COL23A1: variants seen among roughly 807,000 people sequenced by gnomAD.
COL23A1 encodes the protein collagen type XXIII alpha 1 chain.
Under a neutral mutation model 99.3 loss-of-function variants are expected in COL23A1, and 97 were observed. That is an observed-to-expected ratio of 0.98 (90% CI 0.83 to 1.16). The LOEUF is 1.16. COL23A1 is among the 50% of genes most tolerant of loss of function. The probability of loss-of-function intolerance (pLI) is 0.00; values close to 1 mark genes in which losing one functional copy is unlikely to be tolerated. For missense variants in COL23A1, 762 were observed against 757.4 expected (o/e 1.01, Z -0.07); for synonymous variants, 320 against 308.2 (o/e 1.04, Z -0.40).
In COL23A1 at chr5:178,532,794, G is replaced by A. The variant is rs534158856; in HGVS notation, c.361+27888C>T. Among the ~76,000 whole-genome samples the A allele has an allele frequency of 4.6e-5, 7 of 152,314 alleles. No individual in the cohort carries two copies. The South Asian group carries it at 1.5e-3, about 32-fold the overall frequency. ...GGTGATGGGATTTGGGTCATTACAA[G>A]AAGAGGTAGGAAAGACAAGAGCAGC... On this transcript the variant is annotated intron_variant, in intron 2 of 28. Transcript: ENST00000390654.
chr5:178,473,126 T>C (rs1756847151), intron 2 of COL23A1, among the ~76,000 whole-genome samples: 2 of 149,542 alleles, frequency 1.3e-5, no homozygotes. Flanking sequence ...CTCTTCGCCA[T>C]CCCCCCAAAA....
intron 2 of COL23A1, among the ~76,000 whole-genome samples, chr5:178,344,161 C>T (rs989353753): frequency 1.3e-5 from 2 of 152,134 alleles, no homozygotes; most frequent in African/African-American, 4.8e-5. Flanking sequence ...GGATCCAGCA[C>T]CCCCAAAAGA....
intron 2 of COL23A1, among the ~76,000 whole-genome samples, chr5:178,541,608 A>G (rs1761292364): frequency 6.6e-6 from 1 of 152,162 alleles, no homozygotes; most frequent in Non-Finnish European, 1.5e-5. Context: ...AACATAACAT[A>G]TGTATACCTT....
intron 2 of COL23A1, among the ~76,000 whole-genome samples, chr5:178,517,557 G>GTTTTTTTTTTTTTTTT (rs35787274): frequency 1.3e-4 from 11 of 84,962 alleles, no homozygotes; most frequent in African/African-American, 4.2e-4. Flanking sequence ...GGTGACAGCA[G>GTTTTTTTTTTTTTTTT]TTTTTTTTTT....
intron 2 of COL23A1, among the ~76,000 whole-genome samples, chr5:178,551,484 C>T (rs1008652895): frequency 6.6e-6 from 1 of 152,120 alleles, no homozygotes; most frequent in Non-Finnish European, 1.5e-5. Context: ...TCTTCTCTTC[C>T]AAATTGATCC....
chr5:178,456,667 C>G lies in COL23A1; in HGVS notation c.361+104015G>C, dbSNP rs1275317529. 3.3e-5 allele frequency among the ~76,000 whole-genome samples: 5 copies of G among 152,284 alleles called. No homozygotes were observed. The East Asian group carries it at 9.6e-4, about 29-fold the overall frequency. ...GAGCCGAGATCGCACCATTGCACTCCAGCCTGGGCAACAAGAGCGAAACTC... is the reference window on the plus strand; with the variant it reads ...GAGCCGAGATCGCACCATTGCACTCGAGCCTGGGCAACAAGAGCGAAACTC... On this transcript the variant is annotated intron_variant, in intron 2 of 28. Transcript: ENST00000390654.
chr5:178,517,557 G>GTTTT lies in COL23A1; in HGVS notation c.361+43121_361+43124dup, dbSNP rs35787274. On this transcript the variant is annotated intron_variant, in intron 2 of 28. Transcript: ENST00000390654. ...AGGGCTCAGACTCTCGGTGACAGCA[G>GTTTT]TTTTTTTTTTGTTTTTTTTTTTGAG... is the stretch of plus-strand genomic sequence containing the variant. Among the ~76,000 whole-genome samples the GTTTT allele has an allele frequency of 1.7e-3, 141 of 84,968 alleles. 32 individuals are homozygous for GTTTT. The highest frequency in any genetic ancestry group is 2.3e-3 in the Admixed American group (15 of 6,478). 55.7% of individuals were successfully genotyped at this position (84,968 alleles called of 152,430 possible).
At chr5:178,435,860 C>T (rs570973792) in intron 2 of COL23A1, among the ~76,000 whole-genome samples, 5 of 152,324 alleles carry the variant, frequency 3.3e-5, no homozygotes, top group East Asian at 3.9e-4. Context: ...TCGTCTAACA[C>T]GATGCTTGCC....
intron 2 of COL23A1, among the ~76,000 whole-genome samples, chr5:178,432,848 G>A (rs1766338796): frequency 6.6e-6 from 1 of 152,108 alleles, no homozygotes; most frequent in South Asian, 2.1e-4. Context: ...CCTTTCAGCT[G>A]TTCTGCTGAC....
chr5:178,246,180 T>TG (rs1454529944), intron 24 of COL23A1, 74 bp downstream of exon 24: 1 of 1,484,674 alleles, frequency 6.7e-7, no homozygotes, highest in Non-Finnish European at 9.2e-7. Flanking sequence ...GGTACAGGGT[T>TG]GGGGTCCCCG....
At chr5:178,297,225 G>A (rs1308625358) in intron 3 of COL23A1, among the ~76,000 whole-genome samples, 2 of 152,248 alleles carry the variant, frequency 1.3e-5, no homozygotes, top group Non-Finnish European at 2.9e-5. Context: ...GACATCCAAA[G>A]ATGTCAAAGA....
chr5:178,372,357 G>A (rs1316932808), intron 2 of COL23A1, among the ~76,000 whole-genome samples: 2 of 152,240 alleles, frequency 1.3e-5, no homozygotes, highest in South Asian at 2.1e-4. Flanking sequence ...GTCCGAGGGC[G>A]TAGTTGCTGA....
intron 3 of COL23A1, among the ~76,000 whole-genome samples, chr5:178,292,296 A>G (rs1234235199): frequency 6.6e-6 from 1 of 152,146 alleles, no homozygotes; most frequent in Admixed American, 6.6e-5. Context: ...CCCACCTTCA[A>G]TTAGGCCACT....
chr5:178,471,238 A>T (rs1206021199), intron 2 of COL23A1, among the ~76,000 whole-genome samples: 1 of 91,098 alleles, frequency 1.1e-5, no homozygotes, highest in Non-Finnish European at 2.7e-5. Flanking sequence ...CATGCGTTTT[A>T]TGTTTTCTTT....
At chr5:178,491,184 C>T (rs939896848) in intron 2 of COL23A1, among the ~76,000 whole-genome samples, 63 of 151,342 alleles carry the variant, frequency 4.2e-4, no homozygotes, top group African/African-American at 1.5e-3. Context: ...GAGAAGAGAA[C>T]GAGGAGGGGG....
Position 178,545,809 on chromosome 5 carries a change from G to A in COL23A1, c.361+14873C>T, listed in dbSNP as rs117151726. ...TCCCACTGCCTGAGGTCCACAGGTC[G>A]ATTCCCACAGGGATACATGAACAGA... is the stretch of plus-strand genomic sequence containing the variant. On this transcript the variant is annotated intron_variant, in intron 2 of 28. Transcript: ENST00000390654. 1.6e-3 allele frequency among the ~76,000 whole-genome samples: 238 copies of A among 152,232 alleles called. 5 individuals carry two copies. The East Asian group carries it at 0.036, about 23-fold the overall frequency.
At chr5:178,316,075 T>C (rs1168289051) in intron 2 of COL23A1, among the ~76,000 whole-genome samples, 1 of 152,216 alleles carries the variant, frequency 6.6e-6, no homozygotes, top group African/African-American at 2.4e-5. Flanking sequence ...GAGAGGTATT[T>C]GTTTAAGCAG....
At chr5:178,588,968 G>T (rs193161882) in intron 1 of COL23A1, among the ~76,000 whole-genome samples, 1 of 152,192 alleles carries the variant, frequency 6.6e-6, no homozygotes, top group Non-Finnish European at 1.5e-5. Flanking sequence ...GAAGGAGGAA[G>T]GCTCGGCAGG....
intron 2 of COL23A1, among the ~76,000 whole-genome samples, chr5:178,361,198 G>T (rs1470751286): frequency 6.6e-6 from 1 of 152,014 alleles, no homozygotes; most frequent in East Asian, 1.9e-4. Flanking sequence ...ACCACAAAAG[G>T]AAAACCACTC....
Sources: gnomAD v4.1 joint callset for allele counts (sites outside exome capture counted in the v4.1 genomes callset) on GRCh38, gnomAD v4.1.1 for gene constraint, MANE v1.5 for transcripts, NCBI Gene and HGNC (gene_info 2026-07-23, HGNC 2026-07-21) for gene names.